NEB: variants seen among roughly 807,000 people sequenced by gnomAD.
NEB encodes nebulin.
Under a neutral mutation model 952.2 loss-of-function variants are expected in NEB, and 512 were observed. That is an observed-to-expected ratio of 0.54 (90% CI 0.50 to 0.58). The LOEUF (loss-of-function observed/expected upper bound fraction) is 0.58, where lower values mean the gene tolerates loss of function less well. Ranked by LOEUF, NEB falls within the 20% of genes least tolerant of loss-of-function variation. The pLI is 0.00. For synonymous variants in NEB, 2,900 were observed against 3,149.8 expected, an observed-to-expected ratio of 0.92 and a Z score of 2.66; for missense variants, 8,428 against 9,231.1, an observed-to-expected ratio of 0.91 and a Z score of 3.56.
chr2:151,676,762 C>T (rs1000080504), intron 34 of NEB, among the ~76,000 whole-genome samples: 8 of 152,124 alleles, frequency 5.3e-5, no homozygotes, highest in South Asian at 2.1e-4. Flanking sequence ...TCCTCTCCTG[C>T]GGCATTTGTC....
intron 64 of NEB, among the ~76,000 whole-genome samples, chr2:151,635,604 G>A (rs1242140843): frequency 6.6e-6 from 1 of 151,704 alleles, no homozygotes; most frequent in Non-Finnish European, 1.5e-5. Flanking sequence ...TACTCGGGAG[G>A]CTGAGGCAGG....
chr2:151,633,666 G>A lies in NEB; in HGVS notation c.9402C>T (p.Asp3134=), dbSNP rs1447677348. Residue 3134 remains aspartate (D), a synonymous_variant, in exon 65 of 182, where the codon GAC becomes GAT. Transcript: ENST00000397345. ...ATGCTGTACTCACGTCACTCTGGAG[G>A]TCATAGGCCTGCCGAGCATGGATGA... ...SDVIHARQAY[D]LQSDNIYKSD... The A allele has an allele frequency of 6.2e-7, 1 of 1,612,670 alleles. No homozygotes were observed. Among genetic ancestry groups the A allele is most frequent in the African/African-American group, 1.3e-5 (1 of 75,012 alleles).
intron 70 of NEB, among the ~76,000 whole-genome samples, chr2:151,626,730 G>T (rs2098533854): frequency 6.6e-6 from 1 of 152,018 alleles, no homozygotes; most frequent in Non-Finnish European, 1.5e-5. Flanking sequence ...TAGAGACAGG[G>T]TTTCACCGTG....
intron 44 of NEB, 117 bp from the exon 45 acceptor site, chr2:151,663,976 A>C: frequency 9.5e-7 from 1 of 1,049,578 alleles, no homozygotes; most frequent in Non-Finnish European, 1.4e-6. Flanking sequence ...CTAAAATTGG[A>C]AGGGAGGCAC....
chr2:151,627,554 T>A lies in NEB; in HGVS notation c.10112A>T (p.His3371Leu). Residue 3371 changes from histidine (H) to leucine (L), a missense_variant, in exon 69 of 182, where the codon CAT becomes CTT. This residue lies in a region of NEB where 1,772 missense variants were observed against 1,960.3 expected (regional missense o/e 0.90). Transcript: ENST00000397345. ...TCLPDQNDVI[H>L]ARQAYDLQSD... Reference sequence around the variant, plus strand: ...CTGGAGGTCATAGGCCTGCCGAGCATGGATGACATCATTCTGGTCGGGCAG... The same window carrying A: ...CTGGAGGTCATAGGCCTGCCGAGCAAGGATGACATCATTCTGGTCGGGCAG... 6.2e-7 allele frequency: 1 copy of A among 1,614,032 alleles called. No individual in the cohort carries two copies. The highest frequency in any genetic ancestry group is 8.5e-7 in the Non-Finnish European group (1 of 1,179,882).
intron 153 of NEB, among the ~76,000 whole-genome samples, chr2:151,523,898 T>A (rs1257555223): frequency 6.6e-6 from 1 of 151,958 alleles, no homozygotes; most frequent in Non-Finnish European, 1.5e-5. Context: ...GAAAAAAAAA[T>A]GAATATTTTC....
chr2:151,511,579 G>A (rs1000716485), intron 161 of NEB, among the ~76,000 whole-genome samples: 2 of 152,138 alleles, frequency 1.3e-5, no homozygotes, highest in Non-Finnish European at 2.9e-5. Flanking sequence ...GCACAGCTAG[G>A]GCACGTTAAC....
chr2:151,685,151 C>T (rs765523086), intron 27 of NEB, among the ~76,000 whole-genome samples, 176 bp from the exon 28 acceptor site: 2 of 152,070 alleles, frequency 1.3e-5, no homozygotes, highest in African/African-American at 2.4e-5. Flanking sequence ...CCAAAAAGCA[C>T]GCATGGGCAG....
Position 151,643,505 on chromosome 2 carries a change from G to A in NEB, c.7957-152C>T, listed in dbSNP as rs28375835. Among the ~76,000 whole-genome samples the A allele has an allele frequency of 0.13, 19,957 of 151,960 alleles. 1,766 individuals are homozygous for A. Among genetic ancestry groups the A allele is most frequent in the East Asian group, 0.42 (2,165 of 5,172 alleles). ...ATTATTAGAAAATTCTAAATTTTTG[G>A]TATGAATTATAAATCAACAAAATAT... is the stretch of plus-strand genomic sequence containing the variant. On this transcript the variant is annotated intron_variant, in intron 57 of 181. Coordinates refer to ENST00000397345, the MANE Select transcript of NEB (RefSeq NM_001164508.2).
At chr2:151,545,803 A>G (rs928994317) in intron 135 of NEB, 85 bp downstream of exon 135, 7 of 777,606 alleles carry the variant, frequency 9.0e-6, no homozygotes, top group Non-Finnish European at 8.4e-6. Flanking sequence ...AACAGCGATC[A>G]CTAGAGGAAC....
intron 107 of NEB, among the ~76,000 whole-genome samples, chr2:151,573,949 T>C (rs2096737761): frequency 6.6e-6 from 1 of 152,088 alleles, no homozygotes; most frequent in Non-Finnish European, 1.5e-5. Flanking sequence ...TTCCAATATT[T>C]ATCTTCTGTT....
At chr2:151,558,632 C>T (rs1455758644) in intron 124 of NEB, among the ~76,000 whole-genome samples, 2 of 152,144 alleles carry the variant, frequency 1.3e-5, no homozygotes, top group Non-Finnish European at 2.9e-5. Context: ...ACAGAGGCCT[C>T]AGAAACAACG....
intron 3 of NEB, among the ~76,000 whole-genome samples, chr2:151,730,130 T>C (rs2099802375): frequency 6.6e-6 from 1 of 152,148 alleles, no homozygotes; most frequent in African/African-American, 2.4e-5. Context: ...ATCATGGAAA[T>C]AATAAGATCC....
intron 113 of NEB, among the ~76,000 whole-genome samples, chr2:151,567,860 G>T (rs967550559): frequency 6.6e-6 from 1 of 152,106 alleles, no homozygotes; most frequent in Non-Finnish European, 1.5e-5. Flanking sequence ...AGCCAAGGGG[G>T]GTGGTGGGCG....
chr2:151,551,690 C>G, intron 129 of NEB, 48 bp downstream of exon 129: 1 of 1,423,158 alleles, frequency 7.0e-7, no homozygotes, highest in Non-Finnish European at 9.9e-7. Context: ...TCCACAGAGG[C>G]TGATGGAACG....
chr2:151,506,052 T>G lies in NEB; in HGVS notation c.23649+114A>C. ...TGTGGTGGTGGTACACAGGCACCTA[T>G]TTTAGCAATATAAGCTGTTTCTGGT... is the stretch of plus-strand genomic sequence containing the variant. On this transcript the variant is annotated intron_variant, in intron 164 of 181. Coordinates refer to ENST00000397345, the MANE Select transcript of NEB (RefSeq NM_001164508.2). The G allele has an allele frequency of 6.6e-6, 6 of 914,048 alleles. No individual in the cohort carries two copies. The South Asian group carries it at 8.0e-5, about 12-fold the overall frequency. The allele number at this position is 914,048 out of a possible 1,614,324, so 56.6% of individuals were successfully genotyped here.
chr2:151,688,552 C>A (rs1030950908), intron 24 of NEB, among the ~76,000 whole-genome samples, 156 bp from the exon 25 acceptor site: 7 of 152,150 alleles, frequency 4.6e-5, no homozygotes, highest in Admixed American at 1.3e-4. Flanking sequence ...AACTTTCATC[C>A]CCTATTTCAG....
At chr2:151,628,624 T>G (rs1358053977) in intron 68 of NEB, among the ~76,000 whole-genome samples, 1 of 152,074 alleles carries the variant, frequency 6.6e-6, no homozygotes, top group Non-Finnish European at 1.5e-5. Context: ...GCGGATCGCC[T>G]GAGGTCAGGA....
Position 151,567,220 on chromosome 2 carries a change from G to A in NEB, c.18104C>T (p.Pro6035Leu). Residue 6035 changes from proline to leucine, a missense_variant, in exon 114 of 182, where the codon CCT (proline) becomes CTT (leucine). Coordinates refer to ENST00000397345, the MANE Select transcript of NEB (RefSeq NM_001164508.2). ...TGCCTGAATAACATCGTTCTGGTCA[G>A]GATGACACATCCATTGGTGCAAGTA... ...RNYLHQWMCH[P>L]DQNDVIQARK... 6.2e-7 allele frequency: 1 copy of A among 1,613,682 alleles called. No individual in the cohort carries two copies. Among genetic ancestry groups the A allele is most frequent in the Non-Finnish European group, 8.5e-7 (1 of 1,179,700 alleles).
Sources: gnomAD v4.1 joint callset for allele counts (sites outside exome capture counted in the v4.1 genomes callset) on GRCh38, gnomAD v4.1.1 for gene constraint, gnomAD v4.1.1 regional missense constraint, MANE v1.5 for transcripts, NCBI Gene and HGNC (gene_info 2026-07-23, HGNC 2026-07-21) for gene names.